PTCRA: variants seen among roughly 807,000 people sequenced by gnomAD.
The protein encoded by PTCRA is pre T-cell antigen receptor alpha.
Under a neutral mutation model 13.4 loss-of-function variants are expected in PTCRA, and 9 were observed. The ratio of observed to expected loss-of-function variants is 0.67; its 90% CI spans 0.41 to 1.18. The LOEUF is 1.18. Among genes scored for constraint, PTCRA ranks in the 50% most tolerant of loss-of-function variants. PTCRA has a pLI of 0.01. For synonymous variants in PTCRA, 153 were observed against 161.9 expected (o/e 0.94, Z 0.42); for missense variants, 353 against 359.8 (o/e 0.98, Z 0.15).
rs1293553994 is a variant in PTCRA at position 42,925,708 on chromosome 6, CA to C, written c.*27del. On this transcript the variant is annotated 3_prime_UTR_variant, in exon 4 of 4. Transcript: ENST00000304672. This position sits in a 1 kb window ranked among gnomAD's most constrained non-coding sequence, Gnocchi z 4.4. Reference sequence around the variant, plus strand: ...GGGCAGGGCTCTACCTCCCCTGCGTCACACTGTGTGAGGCTGTGTCTCTGCC... The same window carrying C: ...GGGCAGGGCTCTACCTCCCCTGCGTCCACTGTGTGAGGCTGTGTCTCTGCC... 4 of 1,464,844 alleles carry C rather than the reference CA, an allele frequency of 2.7e-6. No homozygotes were observed. The Admixed American group carries it at 7.0e-5, about 25-fold the overall frequency. 90.7% of individuals were successfully genotyped at this position (1,464,844 alleles called of 1,614,324 possible). A position where few individuals can be genotyped will look rare whatever the true frequency, so the allele number is the denominator to read the frequency against.
chr6:42,925,317 C>T lies in PTCRA; in HGVS notation c.481C>T (p.Leu161=), dbSNP rs775207181. ...GVLRLLLFKL[L]LFDLLLTCSC... ...CCTGCGGCTGCTGCTCTTCAAGCTG[C>T]TGCTGTTTGACCTGCTCCTGACCTG... is the stretch of plus-strand genomic sequence containing the variant. Residue 161 remains leucine, a synonymous_variant, in exon 4 of 4, where the codon CTG becomes TTG. Coordinates refer to ENST00000304672, the MANE Select transcript of PTCRA (RefSeq NM_138296.3). This position sits in a 1 kb window ranked among gnomAD's most constrained non-coding sequence, Gnocchi z 4.4. 1.3e-5 allele frequency: 20 copies of T among 1,586,692 alleles called. No homozygotes were observed. The highest frequency in any genetic ancestry group is 1.6e-5 in the Non-Finnish European group (19 of 1,172,190).
chr6:42,921,989 C>T (rs2114127492), intron 1 of PTCRA, among the ~76,000 whole-genome samples: 1 of 152,030 alleles, frequency 6.6e-6, no homozygotes, highest in Non-Finnish European at 1.5e-5. Flanking sequence ...GGTGCCACTG[C>T]ACTCCAGTCT....
intron 1 of PTCRA, among the ~76,000 whole-genome samples, chr6:42,917,658 T>G (rs1766944212): frequency 6.6e-6 from 1 of 151,148 alleles, no homozygotes; most frequent in Non-Finnish European, 1.5e-5. Context: ...CAAGCGGTTC[T>G]CCTGCCTCAG....
In PTCRA at chr6:42,923,014, T is replaced by C. The variant is rs1302114479; in HGVS notation, c.59-13T>C. 1 of 1,613,622 alleles carries C rather than the reference T, an allele frequency of 6.2e-7. No homozygotes were observed. Among genetic ancestry groups the C allele is most frequent in the South Asian group, 1.1e-5 (1 of 91,076 alleles). On this transcript the variant is annotated splice_polypyrimidine_tract_variant and intron_variant, in intron 1 of 3. Transcript: ENST00000304672. ...AGCTGGTCTAGCACCCACAGGTACA[T>C]GCTCTCTTGCAGGTGTGGGCGGCAC...
chr6:42,923,017 T>G lies in PTCRA; in HGVS notation c.59-10T>G. The G allele has an allele frequency of 1.9e-6, 3 of 1,613,636 alleles. No homozygotes were observed. Among genetic ancestry groups the G allele is most frequent in the Non-Finnish European group, 2.5e-6 (3 of 1,179,604 alleles). ...TGGTCTAGCACCCACAGGTACATGC[T>G]CTCTTGCAGGTGTGGGCGGCACACC... On this transcript the variant is annotated splice_polypyrimidine_tract_variant and intron_variant, in intron 1 of 3. Coordinates refer to ENST00000304672, the MANE Select transcript of PTCRA (RefSeq NM_138296.3).
Position 42,925,742 on chromosome 6 carries a change from A to AG in PTCRA, c.*65dup, listed in dbSNP as rs1767408476. 1.6e-6 allele frequency: 2 copies of AG among 1,241,668 alleles called. No individual in the cohort carries two copies. The highest frequency in any genetic ancestry group is 2.2e-6 in the Non-Finnish European group (2 of 912,982). The allele number at this position is 1,241,668 out of a possible 1,614,324, so 76.9% of individuals were successfully genotyped here. On this transcript the variant is annotated 3_prime_UTR_variant, in exon 4 of 4. Transcript: ENST00000304672. This position sits in a 1 kb window ranked among gnomAD's most constrained non-coding sequence, Gnocchi z 4.4. ...TGAGGCTGTGTCTCTGCCATCCAAA[A>AG]GGGGGCCCCTTGAGAATGGTGATCC...
chr6:42,917,690 C>T (rs1186452964), intron 1 of PTCRA, among the ~76,000 whole-genome samples: 1 of 151,056 alleles, frequency 6.6e-6, no homozygotes, highest in Non-Finnish European at 1.5e-5. Context: ...GCTGGGATTA[C>T]AGCCGCCCAC....
rs561719796 is a variant in PTCRA, at chr6:42,916,056, C to G, written c.-14C>G. 2.5e-6 allele frequency: 4 copies of G among 1,613,700 alleles called. No individual in the cohort carries two copies. The African/African-American group carries it at 5.3e-5, about 21-fold the overall frequency. ...CAGGTCTGCAGCTGGGTCCTGCCTC[C>G]TTCCGAGTGGGCCATGGCCGGTACA... is the stretch of plus-strand genomic sequence containing the variant. On this transcript the variant is annotated 5_prime_UTR_variant, in exon 1 of 4. Coordinates refer to ENST00000304672, the MANE Select transcript of PTCRA (RefSeq NM_138296.3).
intron 1 of PTCRA, among the ~76,000 whole-genome samples, chr6:42,919,350 C>T (rs1389145965): frequency 6.6e-6 from 1 of 152,076 alleles, no homozygotes; most frequent in Non-Finnish European, 1.5e-5. Context: ...ACCCCTACAT[C>T]CTCACAAGAT....
intron 1 of PTCRA, among the ~76,000 whole-genome samples, chr6:42,919,040 A>ATT (rs575852291): frequency 4.6e-5 from 5 of 109,452 alleles, no homozygotes; most frequent in African/African-American, 1.6e-4. Flanking sequence ...CCGTCCACCT[A>ATT]TTTTTTTTTT....
At chr6:42,919,143 G>C (rs1019398271) in intron 1 of PTCRA, among the ~76,000 whole-genome samples, 2 of 150,270 alleles carry the variant, frequency 1.3e-5, no homozygotes, top group South Asian at 4.2e-4. Flanking sequence ...TTACAGGCGC[G>C]TGCCACCACG....
chr6:42,916,136 C>A lies in PTCRA; in HGVS notation c.58+9C>A. ...TCCAGCCCTACCCACAGGTGAGCCC[C>A]CTCTTTGCCTTCCTCTCTGTCCCTC... On this transcript the variant is annotated intron_variant, in intron 1 of 3. Transcript: ENST00000304672. 1 of 1,613,574 alleles carries A rather than the reference C, an allele frequency of 6.2e-7. No homozygotes were observed. Among genetic ancestry groups the A allele is most frequent in the African/African-American group, 1.3e-5 (1 of 75,042 alleles).
At chr6:42,918,767 C>T (rs911861188) in intron 1 of PTCRA, among the ~76,000 whole-genome samples, 1 of 149,592 alleles carries the variant, frequency 6.7e-6, no homozygotes, top group African/African-American at 2.5e-5. Context: ...GACAACTTAC[C>T]ATTTATGTGT....
intron 1 of PTCRA, among the ~76,000 whole-genome samples, chr6:42,918,027 G>A (rs1467585840): frequency 2.6e-5 from 4 of 152,102 alleles, no homozygotes; most frequent in East Asian, 1.9e-4. Flanking sequence ...AGGCCAAGGC[G>A]GGCAGATCAC....
chr6:42,922,106 A>G (rs1459765636), intron 1 of PTCRA: 1 of 632,456 alleles, frequency 1.6e-6, no homozygotes, highest in Non-Finnish European at 2.8e-6. Flanking sequence ...ACCCAAGCAC[A>G]CTCCACCTAG....
chr6:42,924,116 C>A, intron 2 of PTCRA, 113 bp from the exon 3 acceptor site: 2 of 884,182 alleles, frequency 2.3e-6, no homozygotes, highest in Non-Finnish European at 3.5e-6. Context: ...TGTCCATTTA[C>A]CCCAAATGCC....
At chr6:42,917,229 T>TTA (rs531814742) in intron 1 of PTCRA, among the ~76,000 whole-genome samples, 2,670 of 137,306 alleles carry the variant, frequency 0.019, 90 homozygotes, top group African/African-American at 0.073. Flanking sequence ...ATTATTATTA[T>TTA]TATTTATTTT....
Position 42,925,138 on chromosome 6 carries a change from C to A in PTCRA, c.425-123C>A. ...AACGGAGGCTAGACACCGGGAAGGACTTTCCCTGGAGGAGGGGGTGAAGGG... is the reference window on the plus strand; with the variant it reads ...AACGGAGGCTAGACACCGGGAAGGAATTTCCCTGGAGGAGGGGGTGAAGGG... On this transcript the variant is annotated intron_variant, in intron 3 of 3. Coordinates refer to ENST00000304672, the MANE Select transcript of PTCRA (RefSeq NM_138296.3). This position sits in a 1 kb window ranked among gnomAD's most constrained non-coding sequence, Gnocchi z 4.4. The A allele has an allele frequency of 7.5e-7, 1 of 1,327,134 alleles. No individual in the cohort carries two copies. Among genetic ancestry groups the A allele is most frequent in the Non-Finnish European group, 1.0e-6 (1 of 992,456 alleles). 82.2% of individuals were successfully genotyped at this position (1,327,134 alleles called of 1,614,324 possible).
intron 1 of PTCRA, 100 bp downstream of exon 1, chr6:42,916,227 C>A: frequency 1.6e-6 from 2 of 1,212,474 alleles, no homozygotes; most frequent in Non-Finnish European, 1.2e-6. Flanking sequence ...TGCAGGGAGG[C>A]AGGACAAGAG....
Sources: allele counts gnomAD v4.1 joint callset (sites outside exome capture counted in the v4.1 genomes callset), GRCh38; gene constraint gnomAD v4.1.1; non-coding constraint Gnocchi (gnomAD v3.1); transcripts MANE v1.5; gene names NCBI Gene and HGNC (gene_info 2026-07-23, HGNC 2026-07-21).